RNF168: variants seen among roughly 807,000 people sequenced by gnomAD.
RNF168 encodes the protein ring finger protein 168, also known as E3 ubiquitin-protein ligase RNF168.
Under a neutral mutation model 34.9 loss-of-function variants are expected in RNF168, and 34 were observed. That is an observed-to-expected ratio of 0.97 (90% CI 0.74 to 1.30). The LOEUF (loss-of-function observed/expected upper bound fraction) is 1.30, where lower values mean the gene tolerates loss of function less well. Among genes scored for constraint, RNF168 ranks in the 50% most tolerant of loss-of-function variants. The pLI, the probability that RNF168 is intolerant of heterozygous loss-of-function variation, is 0.00. For synonymous variants in RNF168, 264 were observed against 254.7 expected (o/e 1.04, Z -0.35); for missense variants, 725 against 682.5 (o/e 1.06, Z -0.69).
At chr3:196,494,671 T>C (rs952060146) in intron 1 of RNF168, among the ~76,000 whole-genome samples, 4 of 152,242 alleles carry the variant, frequency 2.6e-5, no homozygotes, top group African/African-American at 9.6e-5. Context: ...AAAATAAGCA[T>C]ATGATTTGTG....
intron 1 of RNF168, among the ~76,000 whole-genome samples, chr3:196,495,628 TG>T (rs567822669): frequency 1.3e-5 from 2 of 152,246 alleles, no homozygotes; most frequent in Non-Finnish European, 2.9e-5. Context: ...GTTTGTTCCA[TG>T]GATAACGTTA....
intron 1 of RNF168, among the ~76,000 whole-genome samples, chr3:196,491,826 C>T (rs375089530): frequency 1.3e-5 from 2 of 152,040 alleles, no homozygotes; most frequent in African/African-American, 4.8e-5. Flanking sequence ...GGAATGGACA[C>T]GTGCTAGAAC....
chr3:196,487,380 G>A lies in RNF168; in HGVS notation c.558+19C>T, dbSNP rs368041572. On this transcript the variant is annotated intron_variant, in intron 3 of 5. Coordinates refer to ENST00000318037, the MANE Select transcript of RNF168 (RefSeq NM_152617.4). ...TACCAAGGGATGACCATACCTTAGCGTTCCCTCCTAAAACTTACAATATCA... is the reference window on the plus strand; with the variant it reads ...TACCAAGGGATGACCATACCTTAGCATTCCCTCCTAAAACTTACAATATCA... The A allele has an allele frequency of 1.6e-5, 26 of 1,605,052 alleles. No homozygotes were observed. Among genetic ancestry groups the A allele is most frequent in the Non-Finnish European group, 2.2e-5 (26 of 1,171,784 alleles).
intron 2 of RNF168, among the ~76,000 whole-genome samples, chr3:196,487,892 T>A (rs986938710): frequency 2.0e-5 from 3 of 152,172 alleles, no homozygotes; most frequent in African/African-American, 7.2e-5. Context: ...CATATGTAAT[T>A]AAAACATAAT....
chr3:196,481,643 T>C (rs1732291827), intron 4 of RNF168, among the ~76,000 whole-genome samples: 1 of 151,268 alleles, frequency 6.6e-6, no homozygotes. Flanking sequence ...ACCAGCAATG[T>C]ATTCCTGGAA....
intron 4 of RNF168, among the ~76,000 whole-genome samples, chr3:196,476,049 G>A (rs1028166157): frequency 2.8e-4 from 42 of 149,782 alleles, no homozygotes; most frequent in African/African-American, 8.1e-4. Context: ...TAGTAGAGAC[G>A]GGTTTCACCA....
intron 3 of RNF168, among the ~76,000 whole-genome samples, chr3:196,485,722 CA>C (rs897982442): frequency 6.6e-6 from 1 of 151,532 alleles, no homozygotes; most frequent in Non-Finnish European, 1.5e-5. Context: ...GTAGGCCTCT[CA>C]AAAAAGAAAA....
At chr3:196,487,906 T>C (rs556394107) in intron 2 of RNF168, among the ~76,000 whole-genome samples, 2 of 152,310 alleles carry the variant, frequency 1.3e-5, no homozygotes, top group African/African-American at 2.4e-5. Context: ...ACATAATGCT[T>C]CACTATAAAC....
intron 4 of RNF168, among the ~76,000 whole-genome samples, chr3:196,477,892 C>T (rs192429766): frequency 1.1e-4 from 17 of 151,822 alleles, no homozygotes; most frequent in Admixed American, 2.0e-4. Context: ...GAAAACTGGA[C>T]AACACAGCAA....
rs1732009997 is a variant in RNF168, at chr3:196,471,663, G to A, written c.*156C>T. 6.0e-6 allele frequency: 4 copies of A among 667,208 alleles called. No homozygotes were observed. The highest frequency in any genetic ancestry group is 7.9e-4 in the Middle Eastern group (2 of 2,516). 41.3% of individuals were successfully genotyped at this position (667,208 alleles called of 1,614,324 possible). A position where few individuals can be genotyped will look rare whatever the true frequency, so the allele number is the denominator to read the frequency against. The stretch of plus-strand genomic sequence containing the variant: ...ACCGCTGAGCTGTGCAGAAGCTCAT[G>A]TGTCTATGCAGTCCTTACAATCACA... On this transcript the variant is annotated 3_prime_UTR_variant, in exon 6 of 6. Transcript: ENST00000318037.
intron 4 of RNF168, among the ~76,000 whole-genome samples, chr3:196,476,058 C>T (rs1177736468): frequency 1.3e-5 from 2 of 151,746 alleles, no homozygotes; most frequent in Non-Finnish European, 2.9e-5. Context: ...CGGGTTTCAC[C>T]ATGTTGGTCA....
At chr3:196,473,636 C>G (rs1322766168) in intron 5 of RNF168, among the ~76,000 whole-genome samples, 5 of 152,112 alleles carry the variant, frequency 3.3e-5, no homozygotes, top group African/African-American at 1.2e-4. Flanking sequence ...GGACAGCTCA[C>G]CTGAGGTCAG....
rs57647149 is a variant in RNF168 at position 196,471,196 on chromosome 3, C to CAAAAAAAAAAAAAAAAAAAAAA, written c.*601_*622dup. On this transcript the variant is annotated 3_prime_UTR_variant, in exon 6 of 6. Transcript: ENST00000318037. ...GCGTGACAGAGCAAGACTCTGTCTCCAAAAAAAAAAAAAAAAAAAAAAAAA... is the reference window on the plus strand; with the variant it reads ...GCGTGACAGAGCAAGACTCTGTCTCCAAAAAAAAAAAAAAAAAAAAAAAAAAAAAAAAAAAAAAAAAAAAAAA... The CAAAAAAAAAAAAAAAAAAAAAA allele has an allele frequency of 4.9e-5, 2 of 40,640 alleles. No homozygotes were observed. Among genetic ancestry groups the CAAAAAAAAAAAAAAAAAAAAAA allele is most frequent in the African/African-American group, 8.2e-5 (1 of 12,264 alleles). 2.5% of individuals were successfully genotyped at this position (40,640 alleles called of 1,614,324 possible).
At position 196,472,758 on chromosome 3, in the gene RNF168, A is replaced by G. The variant is rs778683997; in HGVS notation, c.777T>C (p.Ser259=). 6.2e-6 allele frequency: 10 copies of G among 1,606,442 alleles called. No individual in the cohort carries two copies. The South Asian group carries it at 1.1e-4, about 18-fold the overall frequency. The change falls in exon 6 of 6, where the codon AGT becomes AGC. Residue 259 remains serine, a synonymous_variant. Coordinates refer to ENST00000318037, the MANE Select transcript of RNF168 (RefSeq NM_152617.4). ...CTTGCCCTGTTGGGCTTTTCCTATCACTACTGTCAATGTCCTGTAGAAAAC... is the reference window on the plus strand; with the variant it reads ...CTTGCCCTGTTGGGCTTTTCCTATCGCTACTGTCAATGTCCTGTAGAAAAC... The part of the protein sequence containing the change: ...KDSVSKDIDS[S]DRKSPTGQDT...
chr3:196,486,797 C>T (rs928032603), intron 3 of RNF168, among the ~76,000 whole-genome samples: 3 of 151,674 alleles, frequency 2.0e-5, no homozygotes, highest in South Asian at 4.1e-4. Flanking sequence ...AAACAACTTG[C>T]GGTGGCTCAC....
intron 1 of RNF168, among the ~76,000 whole-genome samples, chr3:196,490,478 G>T (rs1391157131): frequency 6.6e-6 from 1 of 152,102 alleles, no homozygotes; most frequent in Non-Finnish European, 1.5e-5. Context: ...GATGGTGAGA[G>T]ATGACTTCAT....
chr3:196,502,223 T>C (rs1732910926), intron 1 of RNF168, among the ~76,000 whole-genome samples: 1 of 151,206 alleles, frequency 6.6e-6, no homozygotes, highest in Non-Finnish European at 1.5e-5. Flanking sequence ...GGTTGAGTGA[T>C]AAAAAAGCGA....
intron 3 of RNF168, among the ~76,000 whole-genome samples, chr3:196,484,482 T>C (rs1469259876): frequency 2.5e-4 from 35 of 138,100 alleles, no homozygotes; most frequent in African/African-American, 1.0e-3. Context: ...CCTTTTTTTT[T>C]TTTTTTTTTT....
chr3:196,499,627 C>T (rs1377281623), intron 1 of RNF168, among the ~76,000 whole-genome samples: 1 of 152,054 alleles, frequency 6.6e-6, no homozygotes, highest in Non-Finnish European at 1.5e-5. Flanking sequence ...TTGAGACCAT[C>T]CTGACCAACA....
Sources: gnomAD v4.1 joint callset for allele counts (sites outside exome capture counted in the v4.1 genomes callset) on GRCh38, gnomAD v4.1.1 for gene constraint, MANE v1.5 for transcripts, NCBI Gene and HGNC (gene_info 2026-07-23, HGNC 2026-07-21) for gene names.